The following FAAH variants were observed in gnomAD, a reference collection of about 807,000 sequenced individuals.
FAAH encodes the protein fatty-acid amide hydrolase 1.
Under a neutral mutation model 69.7 loss-of-function variants are expected in FAAH, and 63 were observed. The observed-to-expected ratio is 0.90, with a 90% CI of 0.74 to 1.12. The LOEUF (loss-of-function observed/expected upper bound fraction) is 1.12, where lower values mean the gene tolerates loss of function less well. FAAH is among the 50% of genes most tolerant of loss of function. FAAH has a pLI of 0.00. For missense variants in FAAH, 680 were observed against 755.0 expected (o/e 0.90, Z 1.16); for synonymous variants, 305 against 324.2 (o/e 0.94, Z 0.64).
rs1432452017 is a variant in FAAH, at chr1:46,410,837, C to T, written c.1299C>T (p.Leu433=). The T allele has an allele frequency of 1.2e-6, 2 of 1,614,220 alleles. No individual in the cohort carries two copies. Among genetic ancestry groups the T allele is most frequent in the South Asian group, 1.1e-5 (1 of 91,088 alleles). The part of the protein sequence containing the change: ...KPLLPRLSAF[L]SNMKSRSAGK... ...AGCTGCCAAGGCTGTCAGCTTTCCT[C>T]AGCAACATGAAGTCTCGGTAAGGGT... The change falls in exon 11 of 15, where the codon CTC becomes CTT. Residue 433 remains leucine, a synonymous_variant. Transcript: ENST00000243167. This position sits in a 1 kb window ranked among gnomAD's most constrained non-coding sequence, Gnocchi z 4.9.
rs750696029 is a variant in FAAH, at chr1:46,405,649, C to G, written c.640C>G (p.Pro214Ala). The change falls in exon 5 of 15, where the codon CCA becomes GCA. Residue 214 changes from proline to alanine, a missense_variant. Pro to Ala is a conservative substitution (Grantham distance 27). Transcript: ENST00000243167. The surrounding 1 kb of genome is among the most constrained non-coding windows in gnomAD (Gnocchi z 4.1). ...TVNPWKSSKS[P>A]GGSSGGEGAL... ...GAACCCATGGAAGTCCTCCAAAAGC[C>G]CAGGGGGCTCCTCAGGGGGTGAAGG... 1.2e-6 allele frequency: 2 copies of G among 1,613,526 alleles called. No individual in the cohort carries two copies. The highest frequency in any genetic ancestry group is 1.7e-6 in the Non-Finnish European group (2 of 1,180,030).
chr1:46,404,891 G>A lies in FAAH; in HGVS notation c.310-123G>A, dbSNP rs1231128478. The A allele has an allele frequency of 1.5e-6, 2 of 1,326,080 alleles. No individual in the cohort carries two copies. Among genetic ancestry groups the A allele is most frequent in the Admixed American group, 3.8e-5 (2 of 52,872 alleles). 82.1% of individuals were successfully genotyped at this position (1,326,080 alleles called of 1,614,324 possible). A position where few individuals can be genotyped will look rare whatever the true frequency, so the allele number is the denominator to read the frequency against. On this transcript the variant is annotated intron_variant, in intron 2 of 14. Coordinates refer to ENST00000243167, the MANE Select transcript of FAAH (RefSeq NM_001441.3). This position sits in a 1 kb window ranked among gnomAD's most constrained non-coding sequence, Gnocchi z 4.5. ...CTCTGTGCCCCAGGCTCTGGGCCATGTTGCTGGTTACCCCTCTCCCTGGGT... is the reference window on the plus strand; with the variant it reads ...CTCTGTGCCCCAGGCTCTGGGCCATATTGCTGGTTACCCCTCTCCCTGGGT...
chr1:46,412,307 G>A, intron 13 of FAAH, 56 bp downstream of exon 13: 1 of 1,433,888 alleles, frequency 7.0e-7, no homozygotes, highest in Non-Finnish European at 9.6e-7. Flanking sequence ...TGCCCTGCAG[G>A]GCTGCGAGGA....
intron 1 of FAAH, among the ~76,000 whole-genome samples, chr1:46,396,556 G>A (rs1664601024): frequency 2.0e-5 from 3 of 152,194 alleles, no homozygotes; most frequent in South Asian, 4.1e-4. Flanking sequence ...GCAGCCTTCC[G>A]CAGTGCATTG....
At chr1:46,397,239 C>T (rs1664612868) in intron 1 of FAAH, among the ~76,000 whole-genome samples, 1 of 152,240 alleles carries the variant, frequency 6.6e-6, no homozygotes, top group Non-Finnish European at 1.5e-5. Flanking sequence ...TGCAGAACTC[C>T]CCTCCTGGTT....
chr1:46,411,800 G>A lies in FAAH; in HGVS notation c.1356+149G>A. On this transcript the variant is annotated intron_variant, in intron 12 of 14. Coordinates refer to ENST00000243167, the MANE Select transcript of FAAH (RefSeq NM_001441.3). This position sits in a 1 kb window ranked among gnomAD's most constrained non-coding sequence, Gnocchi z 4.8. ...CCTTCCACTCCCTGGACCACCACTTGGGCCCAGCTCTCTGACCCTTACTTG... is the reference window on the plus strand; with the variant it reads ...CCTTCCACTCCCTGGACCACCACTTAGGCCCAGCTCTCTGACCCTTACTTG... The A allele has an allele frequency of 2.2e-6, 2 of 895,672 alleles. No individual in the cohort carries two copies. The highest frequency in any genetic ancestry group is 1.8e-6 in the Non-Finnish European group (1 of 567,950). The allele number at this position is 895,672 out of a possible 1,614,324, so 55.5% of individuals were successfully genotyped here. A position where few individuals can be genotyped will look rare whatever the true frequency, so the allele number is the denominator to read the frequency against.
chr1:46,406,354 C>T lies in FAAH; in HGVS notation c.937C>T (p.Pro313Ser), dbSNP rs1483523234. The T allele has an allele frequency of 6.2e-7, 1 of 1,614,074 alleles. No individual in the cohort carries two copies. Among genetic ancestry groups the T allele is most frequent in the Non-Finnish European group, 8.5e-7 (1 of 1,180,036 alleles). Residue 313 changes from proline to serine, a missense_variant, in exon 7 of 15, where the codon CCC (proline) becomes TCC (serine). Transcript: ENST00000243167. The part of the protein sequence containing the change: ...FRLDPTVPPL[P>S]FREEVYTSSQ... ...CTTGGACCCCACTGTGCCTCCCTTG[C>T]CCTTCAGAGAAGAGGTGAGCAGGGC... is the stretch of plus-strand genomic sequence containing the variant.
At position 46,405,583 on chromosome 1, in the gene FAAH, TC is replaced by T. The variant is rs751349757; in HGVS notation, c.579-3del. 9.3e-6 allele frequency: 15 copies of T among 1,613,382 alleles called. 1 individual carries two copies. The South Asian group carries it at 1.6e-4, about 18-fold the overall frequency. On this transcript the variant is annotated splice_region_variant and splice_polypyrimidine_tract_variant and intron_variant, in intron 4 of 14. Coordinates refer to ENST00000243167, the MANE Select transcript of FAAH (RefSeq NM_001441.3). The surrounding 1 kb of genome is among the most constrained non-coding windows in gnomAD (Gnocchi z 4.1). ...CACGGGCTGACCCATTCTTGGCTCCTCCAGCTATGACTGCAGTAACCCCCTC... is the reference window on the plus strand; with the variant it reads ...CACGGGCTGACCCATTCTTGGCTCCTCAGCTATGACTGCAGTAACCCCCTC...
intron 8 of FAAH, 111 bp from the exon 9 acceptor site, chr1:46,408,990 C>T (rs1276972618): frequency 2.4e-6 from 2 of 842,224 alleles, no homozygotes; most frequent in East Asian, 5.0e-5. Context: ...CTAGTGAGAG[C>T]TATCTTGTGG....
At chr1:46,397,288 A>G (rs1664613787) in intron 1 of FAAH, among the ~76,000 whole-genome samples, 1 of 152,234 alleles carries the variant, frequency 6.6e-6, no homozygotes, top group Admixed American at 6.5e-5. Flanking sequence ...GTGGGATGGT[A>G]GCAGGATGGG....
chr1:46,409,183 C>A lies in FAAH; in HGVS notation c.1160C>A (p.Thr387Asn). The change falls in exon 9 of 15, where the codon ACC (threonine) becomes AAC (asparagine). Residue 387 changes from threonine to asparagine, a missense_variant. Physicochemically the swap from Thr to Asn is moderately conservative, Grantham distance 65. Transcript: ENST00000243167. ...GGGCTCTTCAGTGATGGTGGCCACA[C>A]CTTCCTACAGAACTTGTGAGTGATA... ...TGGLFSDGGHTFLQNFKGDFV... is the reference protein window; with the variant it reads ...TGGLFSDGGHNFLQNFKGDFV... 1 of 1,613,708 alleles carries A rather than the reference C, an allele frequency of 6.2e-7. No individual in the cohort carries two copies. The highest frequency in any genetic ancestry group is 2.2e-5 in the East Asian group (1 of 44,870).
chr1:46,401,955 C>G, intron 1 of FAAH, 136 bp from the exon 2 acceptor site: 1 of 757,568 alleles, frequency 1.3e-6, no homozygotes, highest in Non-Finnish European at 2.3e-6. Context: ...GGAGACAGAG[C>G]TGCATTCTCT....
chr1:46,411,765 C>A lies in FAAH; in HGVS notation c.1356+114C>A. The stretch of plus-strand genomic sequence containing the variant: ...GCCCCCATGGGGCTCCTAGACTGGC[C>A]TGTCATCCCCCTTCCACTCCCTGGA... On this transcript the variant is annotated intron_variant, in intron 12 of 14. Transcript: ENST00000243167. The surrounding 1 kb of genome is among the most constrained non-coding windows in gnomAD (Gnocchi z 4.8). The A allele has an allele frequency of 8.5e-7, 1 of 1,180,408 alleles. No individual in the cohort carries two copies. Among genetic ancestry groups the A allele is most frequent in the Non-Finnish European group, 1.2e-6 (1 of 812,272 alleles). The allele number at this position is 1,180,408 out of a possible 1,614,324, so 73.1% of individuals were successfully genotyped here.
intron 7 of FAAH, among the ~76,000 whole-genome samples, chr1:46,406,631 G>GGAGT (rs1664803121): frequency 7.1e-6 from 1 of 140,378 alleles, no homozygotes; most frequent in Admixed American, 7.5e-5. Flanking sequence ...CCCTCAGGCT[G>GGAGT]GAGTGCAGTG....
Position 46,404,422 on chromosome 1 carries a change from C to G in FAAH, c.310-592C>G, listed in dbSNP as rs1175565531. Among the ~76,000 whole-genome samples, 1 of 152,216 alleles carries G rather than the reference C, an allele frequency of 6.6e-6. No individual in the cohort carries two copies. The highest frequency in any genetic ancestry group is 1.5e-5 in the Non-Finnish European group (1 of 68,038). On this transcript the variant is annotated intron_variant, in intron 2 of 14. Transcript: ENST00000243167. This position sits in a 1 kb window ranked among gnomAD's most constrained non-coding sequence, Gnocchi z 4.5. ...TTTGAGCATTCTAGGCAGATTTCCA[C>G]TATTAGCATGTTCTTCCCTTTTGTC...
chr1:46,410,884 C>T lies in FAAH; in HGVS notation c.1316+30C>T. 1.2e-6 allele frequency: 2 copies of T among 1,613,880 alleles called. No homozygotes were observed. Among genetic ancestry groups the T allele is most frequent in the Non-Finnish European group, 1.7e-6 (2 of 1,179,760 alleles). On this transcript the variant is annotated intron_variant, in intron 11 of 14. Coordinates refer to ENST00000243167, the MANE Select transcript of FAAH (RefSeq NM_001441.3). The surrounding 1 kb of genome is among the most constrained non-coding windows in gnomAD (Gnocchi z 4.9). ...GGGTTCTTCTGTGTCTAGCTGCCGG[C>T]CCCTGCCTGTCCTGATCCGAGTCTG...
intron 2 of FAAH, among the ~76,000 whole-genome samples, chr1:46,403,935 G>A (rs1415612674): frequency 1.3e-5 from 2 of 152,226 alleles, no homozygotes; most frequent in African/African-American, 4.8e-5. Context: ...GAAAAGAAAG[G>A]GAGGGAGGGA....
intron 14 of FAAH, 85 bp from the exon 15 acceptor site, chr1:46,413,362 C>T: frequency 6.2e-7 from 1 of 1,610,736 alleles, no homozygotes; most frequent in African/African-American, 1.3e-5. Flanking sequence ...TACGTTGTGG[C>T]CTCTCTCTAG....
At chr1:46,408,055 G>A (rs530214424) in intron 7 of FAAH, among the ~76,000 whole-genome samples, 1 of 152,314 alleles carries the variant, frequency 6.6e-6, no homozygotes, top group South Asian at 2.1e-4. Flanking sequence ...CCTCGGAGGA[G>A]AGGAGGAGAT....
Sources: gnomAD v4.1 joint callset for allele counts (sites outside exome capture counted in the v4.1 genomes callset) on GRCh38, gnomAD v4.1.1 for gene constraint, Gnocchi (gnomAD v3.1) non-coding constraint, MANE v1.5 for transcripts, NCBI Gene and HGNC (gene_info 2026-07-23, HGNC 2026-07-21) for gene names.